Variants in NCOA6 observed in about 807,000 individuals in gnomAD.
NCOA6 encodes nuclear receptor coactivator 6, also known as NRC RAP250.
Under a neutral mutation model 171.4 loss-of-function variants are expected in NCOA6, and 49 were observed. That is an observed-to-expected ratio of 0.29 (90% confidence interval 0.23 to 0.36). The LOEUF is 0.36. Among genes scored for constraint, NCOA6 ranks in the 10% least tolerant of loss-of-function variants. The pLI is 1.00. For synonymous variants in NCOA6, 910 were observed against 927.5 expected (o/e 0.98, Z 0.34); for missense variants, 2,248 against 2,554.5 (o/e 0.88, Z 2.59).
At chr20:34,814,487 C>A (rs1292067738) in intron 1 of NCOA6, among the ~76,000 whole-genome samples, 2 of 151,740 alleles carry the variant, frequency 1.3e-5, no homozygotes, top group African/African-American at 4.8e-5. Flanking sequence ...CAATATATTG[C>A]CAAATGAAAA....
chr20:34,749,280 T>A, intron 9 of NCOA6, 123 bp downstream of exon 9: 1 of 1,199,736 alleles, frequency 8.3e-7, no homozygotes, highest in Non-Finnish European at 1.2e-6. Flanking sequence ...AGTTGATAAT[T>A]ATTGAAGCAG....
chr20:34,775,340 G>A (rs181499485), intron 4 of NCOA6, among the ~76,000 whole-genome samples: 38 of 152,050 alleles, frequency 2.5e-4, no homozygotes, highest in Admixed American at 2.0e-3. Context: ...CTGTGCGTGC[G>A]TGCACGTGCT....
chr20:34,735,393 C>T (rs1216702746), intron 12 of NCOA6, among the ~76,000 whole-genome samples: 1 of 152,166 alleles, frequency 6.6e-6, no homozygotes, highest in Non-Finnish European at 1.5e-5. Flanking sequence ...TGCCTGTAAT[C>T]CCAGCACTTT....
intron 12 of NCOA6, chr20:34,732,902 TC>T: frequency 4.5e-6 from 1 of 223,354 alleles, no homozygotes; most frequent in African/African-American, 2.3e-5. Context: ...AAAATAAGTC[TC>T]TTCCTCTCAT....
At chr20:34,730,697 G>A (rs1990501669) in intron 13 of NCOA6, among the ~76,000 whole-genome samples, 1 of 146,432 alleles carries the variant, frequency 6.8e-6, no homozygotes, top group Non-Finnish European at 1.5e-5. Context: ...GCTATTTAAT[G>A]CTCTATGTTC....
chr20:34,785,817 T>A (rs527350041), intron 2 of NCOA6, among the ~76,000 whole-genome samples: 1 of 151,842 alleles, frequency 6.6e-6, no homozygotes, highest in South Asian at 2.1e-4. Flanking sequence ...CTGGAAAATC[T>A]TCTACTGGCA....
In NCOA6 at chr20:34,742,199, T is replaced by C; in HGVS notation, c.4057A>G (p.Lys1353Glu). 1.2e-6 allele frequency: 2 copies of C among 1,614,214 alleles called. No homozygotes were observed. The highest frequency in any genetic ancestry group is 1.1e-5 in the South Asian group (1 of 91,088). ...SPGRQNSKAP[K>E]LTLASQTNAA... is the part of the protein sequence containing the mutation. Reference sequence around the variant, plus strand: ...TTTGTCTGAGAGGCCAGAGTAAGTTTAGGGGCTTTTGAATTTTGCCTCCCA... The same window carrying C: ...TTTGTCTGAGAGGCCAGAGTAAGTTCAGGGGCTTTTGAATTTTGCCTCCCA... The change falls in exon 11 of 15, where the codon AAA becomes GAA. Residue 1353 changes from lysine (K) to glutamate (E), a missense_variant. This residue lies in a region of NCOA6 where 884 missense variants were observed against 941.9 expected (regional missense o/e 0.94). Transcript: ENST00000359003.
Position 34,726,989 on chromosome 20 carries a change from C to CA in NCOA6, c.6148+269dup, listed in dbSNP as rs773472443. On this transcript the variant is annotated intron_variant, in intron 14 of 14. Transcript: ENST00000359003. The stretch of plus-strand genomic sequence containing the variant: ...AACAAACAAAAACCAACAACAACAA[C>CA]AAAAAAACCCAAAACCCAAAAACCA... 2.0e-3 allele frequency among the ~76,000 whole-genome samples: 304 copies of CA among 152,174 alleles called. 1 individual carries two copies. The highest frequency in any genetic ancestry group is 2.0e-3 in the Non-Finnish European group (135 of 67,986).
At position 34,750,515 on chromosome 20, in the gene NCOA6, A is replaced by C. The variant is rs774158815; in HGVS notation, c.1680T>G (p.Gly560=). 2 of 1,561,834 alleles carry C rather than the reference A, an allele frequency of 1.3e-6. No individual in the cohort carries two copies. Among genetic ancestry groups the C allele is most frequent in the African/African-American group, 2.8e-5 (2 of 72,014 alleles). ...GGTTTTGAGGAGGACCAGCTCCTTG[A>C]CCACCTTAAAAAAAAAAAAAGTCAC... is the stretch of plus-strand genomic sequence containing the variant. ...QANQNVQHAG[G]QGAGPPQNQM... Residue 560 remains glycine (G), a synonymous_variant, in exon 9 of 15, where the codon GGT becomes GGG. Coordinates refer to ENST00000359003, the MANE Select transcript of NCOA6 (RefSeq NM_014071.5).
rs147435621 is a variant in NCOA6, at chr20:34,748,582, A to C, written c.2792+821T>G. On this transcript the variant is annotated intron_variant, in intron 9 of 14. Transcript: ENST00000359003. Reference sequence around the variant, plus strand: ...AAAGGCACAAAATATAGCTCAGTGAATATTCCTTCTGGAAACATTTTATCA... The same window carrying C: ...AAAGGCACAAAATATAGCTCAGTGACTATTCCTTCTGGAAACATTTTATCA... Among the ~76,000 whole-genome samples the C allele has an allele frequency of 8.9e-3, 1,351 of 152,348 alleles. 8 individuals are homozygous for C. Among genetic ancestry groups the C allele is most frequent in the Non-Finnish European group, 0.015 (1,053 of 68,032 alleles).
At chr20:34,781,207 C>T (rs547141952) in intron 3 of NCOA6, among the ~76,000 whole-genome samples, 2 of 152,176 alleles carry the variant, frequency 1.3e-5, no homozygotes, top group South Asian at 2.1e-4. Flanking sequence ...CAACAGCTTC[C>T]GTCCAGATAA....
chr20:34,727,489 C>T (rs1423821576), intron 13 of NCOA6, 82 bp from the exon 14 acceptor site: 34 of 1,456,116 alleles, frequency 2.3e-5, no homozygotes, highest in African/African-American at 4.2e-5. Flanking sequence ...TAGTTTCATT[C>T]GTAAAGTAGG....
chr20:34,820,921 C>A (rs2078989285), intron 1 of NCOA6: 1 of 152,078 alleles, frequency 6.6e-6, no homozygotes, highest in South Asian at 2.1e-4. Flanking sequence ...CAAGCCCGAG[C>A]ATTATCTAAT....
intron 14 of NCOA6, among the ~76,000 whole-genome samples, chr20:34,716,136 T>A: frequency 6.7e-6 from 1 of 150,352 alleles, no homozygotes; most frequent in Non-Finnish European, 1.5e-5. Context: ...GGGGAATTGC[T>A]TGAACTACGG....
chr20:34,753,838 C>T (rs2076566839), intron 8 of NCOA6, among the ~76,000 whole-genome samples: 1 of 152,088 alleles, frequency 6.6e-6, no homozygotes, highest in Admixed American at 6.6e-5. Flanking sequence ...TAGTGATTTA[C>T]AATTAAAGTT....
chr20:34,805,170 C>A (rs112870414), intron 1 of NCOA6, among the ~76,000 whole-genome samples: 41 of 151,998 alleles, frequency 2.7e-4, no homozygotes, highest in African/African-American at 9.6e-4. Context: ...TCCCTAGCAG[C>A]TGGATTTTCA....
intron 1 of NCOA6, among the ~76,000 whole-genome samples, chr20:34,807,074 T>G (rs943013785): frequency 6.6e-6 from 1 of 152,202 alleles, no homozygotes; most frequent in Non-Finnish European, 1.5e-5. Context: ...GAAAATGTGA[T>G]AGGATGCCAC....
chr20:34,819,561 C>A (rs2078941763), intron 1 of NCOA6: 1 of 152,098 alleles, frequency 6.6e-6, no homozygotes, highest in Non-Finnish European at 1.5e-5. Flanking sequence ...CTAAGGCAGC[C>A]CCTAAAACTA....
intron 1 of NCOA6, among the ~76,000 whole-genome samples, chr20:34,802,919 C>A (rs1041684927): frequency 2.6e-5 from 4 of 152,024 alleles, no homozygotes; most frequent in Non-Finnish European, 5.9e-5. Flanking sequence ...CCACTTCAGC[C>A]TCCCGAGTAG....
Sources: allele counts gnomAD v4.1 joint callset (sites outside exome capture counted in the v4.1 genomes callset), GRCh38; gene constraint gnomAD v4.1.1; regional missense constraint gnomAD v4.1.1; transcripts MANE v1.5; gene names NCBI Gene and HGNC (gene_info 2026-07-23, HGNC 2026-07-21).